PPP1CB: variants seen among roughly 807,000 people sequenced by gnomAD.
PPP1CB encodes protein phosphatase 1 catalytic subunit beta.
Under a neutral mutation model 43.7 loss-of-function variants are expected in PPP1CB, and 2 were observed. The ratio of observed to expected loss-of-function variants is 0.05; its 90% CI spans 0.02 to 0.14. The LOEUF (loss-of-function observed/expected upper bound fraction) is 0.14. Among genes scored for constraint, PPP1CB ranks in the 10% least tolerant of loss-of-function variants. The pLI, the probability that PPP1CB is intolerant of heterozygous loss-of-function variation, is 1.00. For missense variants in PPP1CB, 84 were observed against 398.0 expected (o/e 0.21, Z 6.71); for synonymous variants, 136 against 135.6 (o/e 1.00, Z -0.02).
intron 5 of PPP1CB, among the ~76,000 whole-genome samples, chr2:28,787,466 T>A (rs1195062858): frequency 1.3e-5 from 2 of 152,084 alleles, no homozygotes; most frequent in East Asian, 1.9e-4. Flanking sequence ...CTCAAAAAAA[T>A]ATATATGTAT....
At chr2:28,793,507 T>C (rs534509205) in intron 6 of PPP1CB, among the ~76,000 whole-genome samples, 1 of 152,262 alleles carries the variant, frequency 6.6e-6, no homozygotes, top group Admixed American at 6.5e-5. Context: ...TAAAATAAAA[T>C]TAAATTTAAA....
At chr2:28,796,062 C>T (rs951305077) in intron 7 of PPP1CB, among the ~76,000 whole-genome samples, 1 of 152,124 alleles carries the variant, frequency 6.6e-6, no homozygotes, top group Non-Finnish European at 1.5e-5. Flanking sequence ...TTCTCCATTG[C>T]TTGTTATTGT....
chr2:28,796,270 C>T (rs537295591), intron 7 of PPP1CB, among the ~76,000 whole-genome samples: 66 of 152,088 alleles, frequency 4.3e-4, no homozygotes, highest in African/African-American at 1.4e-3. Context: ...TTTGGCTATT[C>T]GGGCTCTTTT....
chr2:28,776,781 C>T (rs961074920), intron 1 of PPP1CB, 70 bp from the exon 2 acceptor site: 6 of 1,452,018 alleles, frequency 4.1e-6, no homozygotes, highest in Non-Finnish European at 5.7e-6. Flanking sequence ...AAAGTATGGG[C>T]ATGACTCTTT....
Position 28,793,852 on chromosome 2 carries a change from T to C in PPP1CB, c.745-11T>C. On this transcript the variant is annotated splice_polypyrimidine_tract_variant and intron_variant, in intron 6 of 7. Coordinates refer to ENST00000395366, the MANE Select transcript of PPP1CB (RefSeq NM_002709.3). ...AATAAATGTTTTTTCTTCTGACATT[T>C]CCTTTGACAGGTGGTGGAAGATGGA... is the stretch of plus-strand genomic sequence containing the variant. 6.2e-7 allele frequency: 1 copy of C among 1,613,754 alleles called. No homozygotes were observed. Among genetic ancestry groups the C allele is most frequent in the South Asian group, 1.1e-5 (1 of 91,052 alleles).
chr2:28,796,358 T>G (rs1484705157), intron 7 of PPP1CB, among the ~76,000 whole-genome samples: 1 of 152,232 alleles, frequency 6.6e-6, no homozygotes, highest in Non-Finnish European at 1.5e-5. Context: ...AAGAAGAGCA[T>G]TGAATCTGTA....
At chr2:28,792,180 A>C (rs1667402159) in intron 6 of PPP1CB, among the ~76,000 whole-genome samples, 1 of 152,108 alleles carries the variant, frequency 6.6e-6, no homozygotes, top group Non-Finnish European at 1.5e-5. Context: ...ATCTCTACTA[A>C]AAATATAAAA....
intron 3 of PPP1CB, among the ~76,000 whole-genome samples, chr2:28,780,234 A>G (rs1243387363): frequency 6.6e-6 from 1 of 151,936 alleles, no homozygotes; most frequent in African/African-American, 2.4e-5. Context: ...GATTACAGGC[A>G]TGTACCACGT....
Position 28,753,876 on chromosome 2 carries a change from G to A in PPP1CB, c.52+1700G>A, listed in dbSNP as rs1300579262. ...AGCCTCCTGAGTAGCTGGGATTACA[G>A]GCACCCCGCCATCATGCCCGGCTAA... On this transcript the variant is annotated intron_variant, in intron 1 of 7. Coordinates refer to ENST00000395366, the MANE Select transcript of PPP1CB (RefSeq NM_002709.3). Among the ~76,000 whole-genome samples the A allele has an allele frequency of 5.9e-5, 9 of 152,146 alleles. No homozygotes were observed. In the East Asian group the frequency reaches 1.7e-3, roughly 29 times the overall value.
chr2:28,769,904 G>A (rs1023824716), intron 1 of PPP1CB, among the ~76,000 whole-genome samples: 5 of 151,984 alleles, frequency 3.3e-5, no homozygotes, highest in Admixed American at 3.3e-4. Context: ...AGAACAGATG[G>A]GACAAACAGA....
rs145601147 is a variant in PPP1CB, at chr2:28,754,196, T to C, written c.52+2020T>C. 7.9e-5 allele frequency among the ~76,000 whole-genome samples: 12 copies of C among 152,288 alleles called. No individual in the cohort carries two copies. The East Asian group carries it at 1.9e-3, about 24-fold the overall frequency. On this transcript the variant is annotated intron_variant, in intron 1 of 7. Transcript: ENST00000395366. ...GTATCCTTTTAAATTAGACGCACCT[T>C]TATATGATTACAGGTACTTAAACTT...
chr2:28,775,247 A>G (rs1380824165), intron 1 of PPP1CB, among the ~76,000 whole-genome samples: 1 of 152,106 alleles, frequency 6.6e-6, no homozygotes, highest in East Asian at 1.9e-4. Flanking sequence ...AGCTGGGACC[A>G]CAAGCATGCA....
chr2:28,771,525 G>A (rs1666913795), intron 1 of PPP1CB, among the ~76,000 whole-genome samples: 1 of 152,130 alleles, frequency 6.6e-6, no homozygotes, highest in Non-Finnish European at 1.5e-5. Context: ...TGGTATTGAT[G>A]CAAAAATAGA....
chr2:28,751,783 A>T, upstream of PPP1CB: 1 of 371,346 alleles, frequency 2.7e-6, no homozygotes, highest in Non-Finnish European at 5.0e-6. Context: ...GGACGTGCGG[A>T]GTGAGTGGCG....
At chr2:28,761,644 C>G (rs111632274) in intron 1 of PPP1CB, among the ~76,000 whole-genome samples, 2 of 152,144 alleles carry the variant, frequency 1.3e-5, no homozygotes, top group African/African-American at 4.8e-5. Flanking sequence ...GATACTGTTT[C>G]CTCCACTTTC....
At chr2:28,766,464 G>A (rs866294861) in intron 1 of PPP1CB, among the ~76,000 whole-genome samples, 1 of 152,154 alleles carries the variant, frequency 6.6e-6, no homozygotes, top group South Asian at 2.1e-4. Context: ...GTCCAACTAA[G>A]TATTTTTCTA....
chr2:28,776,804 T>C (rs1380915568), intron 1 of PPP1CB, 47 bp from the exon 2 acceptor site: 15 of 1,559,768 alleles, frequency 9.6e-6, no homozygotes, highest in Non-Finnish European at 1.3e-5. Context: ...GAAAGATTAT[T>C]ATGAGTAAAT....
At chr2:28,793,683 G>A (rs1422535321) in intron 6 of PPP1CB, among the ~76,000 whole-genome samples, 180 bp from the exon 7 acceptor site, 2 of 152,070 alleles carry the variant, frequency 1.3e-5, no homozygotes, top group East Asian at 3.8e-4. Context: ...TATAGAAAAG[G>A]CACACCAGTT....
rs139535863 is a variant in PPP1CB at position 28,757,307 on chromosome 2, A to G, written c.52+5131A>G. 8.3e-4 allele frequency among the ~76,000 whole-genome samples: 127 copies of G among 152,230 alleles called. 1 individual carries two copies. Among genetic ancestry groups the G allele is most frequent in the African/African-American group, 2.7e-3 (111 of 41,532 alleles). ...ATGGACATTTTGTTTTCTTTCGGCTATTGTGAATACTTGTAGTGCTGCTAT... is the reference window on the plus strand; with the variant it reads ...ATGGACATTTTGTTTTCTTTCGGCTGTTGTGAATACTTGTAGTGCTGCTAT... On this transcript the variant is annotated intron_variant, in intron 1 of 7. Coordinates refer to ENST00000395366, the MANE Select transcript of PPP1CB (RefSeq NM_002709.3).
Sources: allele counts gnomAD v4.1 joint callset (sites outside exome capture counted in the v4.1 genomes callset), GRCh38; gene constraint gnomAD v4.1.1; transcripts MANE v1.5; gene names NCBI Gene and HGNC (gene_info 2026-07-23, HGNC 2026-07-21).